Variants in ZNF605 observed in about 807,000 individuals in gnomAD.
ZNF605 encodes the protein zinc finger protein 605.
A neutral mutation model predicts 7.9 loss-of-function variants in ZNF605; 9 were observed. That is an observed-to-expected ratio of 1.14 (90% CI 0.68 to 1.98). The LOEUF (loss-of-function observed/expected upper bound fraction) is 1.98, where lower values mean the gene tolerates loss of function less well. ZNF605 is among the 30% of genes most tolerant of loss of function. The probability of loss-of-function intolerance (pLI) is 0.00; values close to 1 mark genes in which losing one functional copy is unlikely to be tolerated. For missense variants in ZNF605, 673 were observed against 762.4 expected, an observed-to-expected ratio of 0.88 and a Z score of 1.38; for synonymous variants, 255 against 260.1, an observed-to-expected ratio of 0.98 and a Z score of 0.19.
In ZNF605 at chr12:132,941,971, T is replaced by C. The variant is rs1952447738; in HGVS notation, c.15+3650A>G. Among the ~76,000 whole-genome samples the C allele has an allele frequency of 2.0e-5, 3 of 152,256 alleles. No individual in the cohort carries two copies. The highest frequency in any genetic ancestry group is 4.4e-5 in the Non-Finnish European group (3 of 68,050). ...TGAAGCCTCAAATAGACGGGAGATA[T>C]GTAAACCTATTTTTAAACCTTTTAA... is the stretch of plus-strand genomic sequence containing the variant. On this transcript the variant is annotated intron_variant, in intron 3 of 4. Coordinates refer to ENST00000360187, the MANE Select transcript of ZNF605 (RefSeq NM_183238.4). The surrounding 1 kb of genome is among the most constrained non-coding windows in gnomAD (Gnocchi z 5.1).
At chr12:132,946,431 C>T (rs1234226476) in intron 2 of ZNF605, among the ~76,000 whole-genome samples, 2 of 152,218 alleles carry the variant, frequency 1.3e-5, no homozygotes, top group African/African-American at 4.8e-5. Context: ...CTGGCTGCAG[C>T]CTACAGCAGA....
At position 132,920,179 on chromosome 12, in the gene ZNF605, A is replaced by C. The variant is rs973905954; in HGVS notation, c.*5194T>G. The C allele has an allele frequency of 6.7e-6, 1 of 149,062 alleles. No individual in the cohort carries two copies. The highest frequency in any genetic ancestry group is 1.5e-5 in the Non-Finnish European group (1 of 67,742). The allele number at this position is 149,062 out of a possible 1,614,324, so 9.2% of individuals were successfully genotyped here. A position where few individuals can be genotyped will look rare whatever the true frequency, so the allele number is the denominator to read the frequency against. On this transcript the variant is annotated 3_prime_UTR_variant, in exon 5 of 5. Coordinates refer to ENST00000360187, the MANE Select transcript of ZNF605 (RefSeq NM_183238.4). Reference sequence around the variant, plus strand: ...TTTTGAGACAGAGCCTCGCTCTATCACCCAGGCTGGAGTGCAGTGGTGTGA... The same window carrying C: ...TTTTGAGACAGAGCCTCGCTCTATCCCCCAGGCTGGAGTGCAGTGGTGTGA...
chr12:132,942,409 T>A (rs1308087844), intron 3 of ZNF605, among the ~76,000 whole-genome samples: 1 of 152,186 alleles, frequency 6.6e-6, no homozygotes, highest in Non-Finnish European at 1.5e-5. Context: ...GCTCCTGGGC[T>A]CTGTGCAGAA....
At chr12:132,940,457 C>T (rs1208586087) in intron 3 of ZNF605, among the ~76,000 whole-genome samples, 1 of 152,166 alleles carries the variant, frequency 6.6e-6, no homozygotes, top group Non-Finnish European at 1.5e-5. Flanking sequence ...CCACAACGGA[C>T]GTGGTGTACA....
In ZNF605 at chr12:132,925,459, C is replaced by G; in HGVS notation, c.1840G>C (p.Asp614His). The change falls in exon 5 of 5, where the codon GAT becomes CAT. Residue 614 changes from aspartate (D) to histidine (H), a missense_variant. Transcript: ENST00000360187. Reference sequence around the variant, plus strand: ...CACTCATTGCATCCATAGTATTTATCTCCTGTATGAATCCTCTGATGCCTC... The same window carrying G: ...CACTCATTGCATCCATAGTATTTATGTCCTGTATGAATCCTCTGATGCCTC... Reference protein sequence around the residue: ...LMRHQRIHTGDKYYGCNECGT... With the variant: ...LMRHQRIHTGHKYYGCNECGT... 1 of 1,614,192 alleles carries G rather than the reference C, an allele frequency of 6.2e-7. No individual in the cohort carries two copies.
In ZNF605 at chr12:132,945,754, C is replaced by G. The variant is rs1436546987; in HGVS notation, c.-119G>C. On this transcript the variant is annotated 5_prime_UTR_variant, in exon 3 of 5. Transcript: ENST00000360187. Reference sequence around the variant, plus strand: ...TACATCCTTGGTCTTGTGGGCTCTTCTTTCTTATCTCACATGAATTGTCTT... The same window carrying G: ...TACATCCTTGGTCTTGTGGGCTCTTGTTTCTTATCTCACATGAATTGTCTT... 3 of 1,407,596 alleles carry G rather than the reference C, an allele frequency of 2.1e-6. No homozygotes were observed. The highest frequency in any genetic ancestry group is 2.8e-5 in the African/African-American group (2 of 70,574). The allele number at this position is 1,407,596 out of a possible 1,614,324, so 87.2% of individuals were successfully genotyped here.
At chr12:132,953,765 A>T (rs945196665) in intron 1 of ZNF605, among the ~76,000 whole-genome samples, 2 of 151,992 alleles carry the variant, frequency 1.3e-5, no homozygotes, top group Admixed American at 6.6e-5. Flanking sequence ...CGCAAATGGC[A>T]AACAAACTCT....
intron 4 of ZNF605, chr12:132,932,594 T>C: frequency 1.5e-6 from 1 of 647,678 alleles, no homozygotes; most frequent in South Asian, 2.3e-5. Context: ...TTGAGTCAAC[T>C]CTAAAGATTC....
chr12:132,935,668 G>A (rs1024956407), intron 3 of ZNF605, among the ~76,000 whole-genome samples: 7,918 of 131,812 alleles, frequency 0.06, 1 homozygote, highest in Non-Finnish European at 0.085. Flanking sequence ...CGAGGCAGGT[G>A]GATCACGAGG....
chr12:132,940,509 C>T (rs1393654593), intron 3 of ZNF605, among the ~76,000 whole-genome samples: 2 of 152,082 alleles, frequency 1.3e-5, no homozygotes, highest in East Asian at 1.9e-4. Flanking sequence ...ATGTGGTCCC[C>T]GGTCCTGAGT....
rs1042725264 is a variant in ZNF605, at chr12:132,933,567, G to A, written c.16-412C>T. On this transcript the variant is annotated intron_variant, in intron 3 of 4. Coordinates refer to ENST00000360187, the MANE Select transcript of ZNF605 (RefSeq NM_183238.4). The surrounding 1 kb of genome is among the most constrained non-coding windows in gnomAD (Gnocchi z 4.4). ...AGCCCTTCTCAACACCTTCATCACT[G>A]CATCATGTGAGACCCTCAACCAGAA... 1.8e-4 allele frequency among the ~76,000 whole-genome samples: 28 copies of A among 152,248 alleles called. No homozygotes were observed. The South Asian group carries it at 2.1e-3, about 11-fold the overall frequency.
chr12:132,956,064 C>G (rs903067829), intron 1 of ZNF605, among the ~76,000 whole-genome samples, 179 bp downstream of exon 1: 2,801 of 144,788 alleles, frequency 0.019, 87 homozygotes, highest in African/African-American at 0.066. Flanking sequence ...GCCCGCCTTC[C>G]GCGCATGCGC....
chr12:132,926,762 G>T lies in ZNF605; in HGVS notation c.537C>A (p.Asn179Lys). 1 of 1,613,838 alleles carries T rather than the reference G, an allele frequency of 6.2e-7. No homozygotes were observed. Among genetic ancestry groups the T allele is most frequent in the South Asian group, 1.1e-5 (1 of 91,064 alleles). Residue 179 changes from asparagine (N) to lysine (K), a missense_variant, in exon 5 of 5, where the codon AAC (asparagine) becomes AAA (lysine). Coordinates refer to ENST00000360187, the MANE Select transcript of ZNF605 (RefSeq NM_183238.4). ...YLCMECGRFF[N>K]KKSQLVIHQR... is the part of the protein sequence containing the mutation. Reference sequence around the variant, plus strand: ...GGTGTATAACAAGTTGTGACTTCTTGTTAAAAAATCTGCCACATTCCATGC... The same window carrying T: ...GGTGTATAACAAGTTGTGACTTCTTTTTAAAAAATCTGCCACATTCCATGC...
At chr12:132,938,451 C>T (rs1952391117) in intron 3 of ZNF605, among the ~76,000 whole-genome samples, 1 of 152,072 alleles carries the variant, frequency 6.6e-6, no homozygotes, top group East Asian at 1.9e-4. Context: ...CAGGCACACG[C>T]CACCACACCC....
At chr12:132,945,975 G>A (rs1408561469) in intron 2 of ZNF605, among the ~76,000 whole-genome samples, 178 bp from the exon 3 acceptor site, 3 of 152,144 alleles carry the variant, frequency 2.0e-5, no homozygotes, top group African/African-American at 4.8e-5. Context: ...GCACGTCTCC[G>A]TCGGGTCTGA....
chr12:132,925,811 C>T lies in ZNF605; in HGVS notation c.1488G>A (p.Gln496=). 1 of 1,614,162 alleles carries T rather than the reference C, an allele frequency of 6.2e-7. No homozygotes were observed. The highest frequency in any genetic ancestry group is 8.5e-7 in the Non-Finnish European group (1 of 1,180,016). ...AGGGCTTTTCTCCAGTATGGGTTCT[C>T]TGATGATGAATGAGACTTGACTTCT... is the stretch of plus-strand genomic sequence containing the variant. The part of the protein sequence containing the change: ...FSEKSSLIHH[Q]RTHTGEKPFE... Residue 496 remains glutamine (Q), a synonymous_variant, in exon 5 of 5, where the codon CAG becomes CAA. Transcript: ENST00000360187.
In ZNF605 at chr12:132,923,864, TTCTC is replaced by T. The variant is rs944129997; in HGVS notation, c.*1505_*1508del. ...TAATGGTTTTCCTATTCTCTTCCTC[TTCTC>T]TAAGTCTTTTTTTCTCTCTGTATAT... is the stretch of plus-strand genomic sequence containing the variant. On this transcript the variant is annotated 3_prime_UTR_variant, in exon 5 of 5. Transcript: ENST00000360187. 5.9e-5 allele frequency: 9 copies of T among 152,332 alleles called. No individual in the cohort carries two copies. Among genetic ancestry groups the T allele is most frequent in the African/African-American group, 1.9e-4 (8 of 41,586 alleles). The allele number at this position is 152,332 out of a possible 1,614,324, so 9.4% of individuals were successfully genotyped here. A position where few individuals can be genotyped will look rare whatever the true frequency, so the allele number is the denominator to read the frequency against.
intron 1 of ZNF605, among the ~76,000 whole-genome samples, chr12:132,951,642 T>A (rs201704389): frequency 7.6e-6 from 1 of 131,000 alleles, no homozygotes; most frequent in Non-Finnish European, 1.6e-5. Context: ...ACAGATACAC[T>A]GATGCACACG....
chr12:132,932,447 T>C lies in ZNF605; in HGVS notation c.136+588A>G, dbSNP rs372220543. On this transcript the variant is annotated intron_variant, in intron 4 of 4. Transcript: ENST00000360187. Reference sequence around the variant, plus strand: ...ATAAAGAGAGCCTTAACTAAGAAAGTGGGGTTGTAAATGGCCACCAATCTA... The same window carrying C: ...ATAAAGAGAGCCTTAACTAAGAAAGCGGGGTTGTAAATGGCCACCAATCTA... Among the ~76,000 whole-genome samples the C allele has an allele frequency of 1.4e-3, 215 of 152,048 alleles. 3 individuals are homozygous for C. The East Asian group carries it at 0.04, about 28-fold the overall frequency.
Sources: gnomAD v4.1 joint callset for allele counts (sites outside exome capture counted in the v4.1 genomes callset) on GRCh38, gnomAD v4.1.1 for gene constraint, Gnocchi (gnomAD v3.1) non-coding constraint, MANE v1.5 for transcripts, NCBI Gene and HGNC (gene_info 2026-07-23, HGNC 2026-07-21) for gene names.